Variants in ITPR1 observed in about 807,000 individuals in gnomAD.
The protein encoded by ITPR1 is inositol 1,4,5-trisphosphate receptor type 1.
In ITPR1, 96 loss-of-function variants were observed where a neutral mutation model predicts 318.4. The observed-to-expected ratio is 0.30, with a 90% confidence interval of 0.26 to 0.36. ITPR1 has a LOEUF of 0.36. Ranked by LOEUF, ITPR1 falls within the 10% of genes least tolerant of loss-of-function variation. The probability of loss-of-function intolerance (pLI) is 1.00; values close to 1 mark genes in which losing one functional copy is unlikely to be tolerated. For missense variants in ITPR1, 2,440 were observed against 3,460.2 expected, an observed-to-expected ratio of 0.71 and a Z score of 7.40; for synonymous variants, 1,312 against 1,289.9, an observed-to-expected ratio of 1.02 and a Z score of -0.37.
intron 4 of ITPR1, among the ~76,000 whole-genome samples, chr3:4,562,085 G>GC (rs2086731751): frequency 2.2e-5 from 2 of 91,476 alleles, no homozygotes; most frequent in East Asian, 6.1e-4. Context: ...CAGCTTATGA[G>GC]CTTAAATAAA....
intron 8 of ITPR1, 129 bp from the exon 9 acceptor site, chr3:4,645,258 G>A (rs1575871183): frequency 1.4e-6 from 1 of 691,058 alleles, no homozygotes; most frequent in Admixed American, 2.3e-5. Flanking sequence ...GATTTTAGTG[G>A]CGTCAATCTT....
intron 4 of ITPR1, among the ~76,000 whole-genome samples, chr3:4,528,376 G>A (rs1175490569): frequency 6.6e-6 from 1 of 152,154 alleles, no homozygotes; most frequent in Non-Finnish European, 1.5e-5. Flanking sequence ...CTTACCCTTA[G>A]GCCAGATGGG....
At chr3:4,801,891 G>A (rs1473623300) in intron 54 of ITPR1, among the ~76,000 whole-genome samples, 2 of 152,232 alleles carry the variant, frequency 1.3e-5, no homozygotes, top group African/African-American at 4.8e-5. Flanking sequence ...GAGCAGAACA[G>A]TGGGAAAGCT....
intron 44 of ITPR1, among the ~76,000 whole-genome samples, chr3:4,746,888 C>A (rs1396557518): frequency 1.3e-5 from 2 of 152,218 alleles, no homozygotes; most frequent in African/African-American, 4.8e-5. Flanking sequence ...GGTGCACTTT[C>A]TTCCGGGGTC....
intron 4 of ITPR1, among the ~76,000 whole-genome samples, chr3:4,610,839 T>C (rs1425004335): frequency 1.3e-5 from 2 of 149,830 alleles, no homozygotes; most frequent in East Asian, 4.2e-4. Context: ...TTCCTTCCCT[T>C]TCTCTTTCCC....
chr3:4,687,661 G>T (rs2094417213), intron 30 of ITPR1, among the ~76,000 whole-genome samples: 2 of 152,152 alleles, frequency 1.3e-5, no homozygotes, highest in Admixed American at 1.3e-4. Context: ...TGCTTGTTTA[G>T]AATTGGACAA....
In ITPR1 at chr3:4,692,145, G is replaced by GAAA. The variant is rs34301060; in HGVS notation, c.4029+807_4029+809dup. On this transcript the variant is annotated intron_variant, in intron 32 of 61. Transcript: ENST00000649015. The stretch of plus-strand genomic sequence containing the variant: ...CAACAGAGTGAGACGTTGTCTCTTA[G>GAAA]AAAAAAAATAAAAAAAAGAGAGAGT... Among the ~76,000 whole-genome samples the GAAA allele has an allele frequency of 1.3e-4, 19 of 143,362 alleles. 3 individuals carry two copies. Among genetic ancestry groups the GAAA allele is most frequent in the Non-Finnish European group, 1.5e-4 (10 of 65,532 alleles). 94.1% of individuals were successfully genotyped at this position (143,362 alleles called of 152,430 possible).
intron 52 of ITPR1, among the ~76,000 whole-genome samples, chr3:4,794,726 G>A (rs2047786730): frequency 6.6e-6 from 1 of 152,100 alleles, no homozygotes; most frequent in Non-Finnish European, 1.5e-5. Flanking sequence ...GGGGAACCGA[G>A]GACTCAATGT....
chr3:4,599,818 T>C (rs1385380878), intron 4 of ITPR1, among the ~76,000 whole-genome samples: 1 of 152,218 alleles, frequency 6.6e-6, no homozygotes, highest in African/African-American at 2.4e-5. Context: ...TGGATCAGTC[T>C]TGGAGTGGAC....
At position 4,783,872 on chromosome 3, in the gene ITPR1, C is replaced by A; in HGVS notation, c.6567C>A (p.Asp2189Glu). ...TGCTGAAACCTGGTGGCCAAGTGGA[C>A]GGAGATGAAGCCCTGGAGTTTTATG... ...QSMLKPGGQV[D>E]GDEALEFYAK... is the part of the protein sequence containing the mutation. The change falls in exon 51 of 62, where the codon GAC becomes GAA. Residue 2189 changes from aspartate to glutamate, a missense_variant. Asp to Glu is a conservative substitution (Grantham distance 45, BLOSUM62 2). Transcript: ENST00000649015. 1 of 1,610,526 alleles carries A rather than the reference C, an allele frequency of 6.2e-7. No homozygotes were observed. The highest frequency in any genetic ancestry group is 8.5e-7 in the Non-Finnish European group (1 of 1,178,452).
chr3:4,596,611 G>A (rs1001016627), intron 4 of ITPR1, among the ~76,000 whole-genome samples: 1 of 152,072 alleles, frequency 6.6e-6, no homozygotes, highest in Non-Finnish European at 1.5e-5. Flanking sequence ...TTTGGTTTGA[G>A]GTCATATGGG....
At chr3:4,650,375 C>G (rs970843876) in intron 10 of ITPR1, among the ~76,000 whole-genome samples, 2 of 152,042 alleles carry the variant, frequency 1.3e-5, no homozygotes, top group African/African-American at 4.8e-5. Flanking sequence ...TCCATGTGGC[C>G]TTCATTTTGA....
chr3:4,577,170 G>A (rs1165399026), intron 4 of ITPR1, among the ~76,000 whole-genome samples: 1 of 152,130 alleles, frequency 6.6e-6, no homozygotes, highest in Admixed American at 6.5e-5. Context: ...TTGAAATGAG[G>A]GCCCTGGGCA....
In ITPR1 at chr3:4,566,740, C is replaced by A. The variant is rs2087324803; in HGVS notation, c.163+45646C>A. Among the ~76,000 whole-genome samples the A allele has an allele frequency of 3.3e-5, 5 of 152,158 alleles. No individual in the cohort carries two copies. The South Asian group carries it at 1.0e-3, about 32-fold the overall frequency. ...CCACCTTCCCTTCATTGTTCCCATA[C>A]AACTCTGGCCTGTAATCAGCCCAAC... On this transcript the variant is annotated intron_variant, in intron 4 of 61. Coordinates refer to ENST00000649015, the MANE Select transcript of ITPR1 (RefSeq NM_001378452.1).
intron 4 of ITPR1, among the ~76,000 whole-genome samples, chr3:4,556,537 A>G (rs2086149128): frequency 1.4e-5 from 2 of 143,598 alleles, no homozygotes; most frequent in Admixed American, 1.4e-4. Flanking sequence ...TGCTTTTTCC[A>G]GAATGTGATA....
chr3:4,570,506 A>G (rs1344842781), intron 4 of ITPR1, among the ~76,000 whole-genome samples: 2 of 152,268 alleles, frequency 1.3e-5, no homozygotes, highest in Non-Finnish European at 2.9e-5. Flanking sequence ...AGAAAACAAG[A>G]GACTGCTTTT....
chr3:4,712,530 T>A (rs1354944233), intron 39 of ITPR1, among the ~76,000 whole-genome samples: 1 of 152,190 alleles, frequency 6.6e-6, no homozygotes, highest in African/African-American at 2.4e-5. Context: ...TCATTTTCAT[T>A]TGAAGGTAAT....
At chr3:4,793,154 T>C in intron 52 of ITPR1, among the ~76,000 whole-genome samples, 1 of 152,254 alleles carries the variant, frequency 6.6e-6, no homozygotes, top group Admixed American at 6.5e-5. Context: ...TTGTCCAGAT[T>C]GAAAACAACA....
Position 4,688,483 on chromosome 3 carries a change from C to G in ITPR1, c.3703-12C>G. On this transcript the variant is annotated splice_polypyrimidine_tract_variant and intron_variant, in intron 30 of 61. Coordinates refer to ENST00000649015, the MANE Select transcript of ITPR1 (RefSeq NM_001378452.1). ...CAGCAATCAGTGCTTTCATCTGTCT[C>G]CTCCCACACAGGCCGAAGATACCAA... 6.2e-7 allele frequency: 1 copy of G among 1,613,734 alleles called. No individual in the cohort carries two copies. The highest frequency in any genetic ancestry group is 8.5e-7 in the Non-Finnish European group (1 of 1,179,698).
Sources: gnomAD v4.1 joint callset for allele counts (sites outside exome capture counted in the v4.1 genomes callset) on GRCh38, gnomAD v4.1.1 for gene constraint, MANE v1.5 for transcripts, NCBI Gene and HGNC (gene_info 2026-07-23, HGNC 2026-07-21) for gene names.